RANBP3: variants seen among roughly 807,000 people sequenced by gnomAD.
The protein encoded by RANBP3 is ran-binding protein 3.
In RANBP3, 14 loss-of-function variants were observed where a neutral mutation model predicts 77.3. That is an observed-to-expected ratio of 0.18 (90% CI 0.12 to 0.28). The LOEUF (loss-of-function observed/expected upper bound fraction) is 0.28. RANBP3 is among the 10% of genes least tolerant of loss of function. The probability of loss-of-function intolerance (pLI) is 1.00; values close to 1 mark genes in which losing one functional copy is unlikely to be tolerated. For synonymous variants in RANBP3, 315 were observed against 312.4 expected, an observed-to-expected ratio of 1.01 and a Z score of -0.09; for missense variants, 586 against 752.3, an observed-to-expected ratio of 0.78 and a Z score of 2.59.
chr19:5,951,514 T>A lies in RANBP3; in HGVS notation c.161A>T (p.His54Leu), dbSNP rs755917366. The A allele has an allele frequency of 6.2e-7, 1 of 1,611,652 alleles. No individual in the cohort carries two copies. Among genetic ancestry groups the A allele is most frequent in the Non-Finnish European group, 8.5e-7 (1 of 1,178,734 alleles). ...GGCATGCTCGCCAGCTGACTCGGGGTGACCCGTGCCATGGTGGGGGGCCTC... is the reference window on the plus strand; with the variant it reads ...GGCATGCTCGCCAGCTGACTCGGGGAGACCCGTGCCATGGTGGGGGGCCTC... ...EAEAPHHGTG[H>L]PESAGEHALE... Residue 54 changes from histidine (H) to leucine (L), a missense_variant, in exon 3 of 17, where the codon CAC becomes CTC. His to Leu is a moderately conservative substitution (Grantham distance 99). Coordinates refer to ENST00000340578, the MANE Select transcript of RANBP3 (RefSeq NM_007322.3).
In RANBP3 at chr19:5,923,270, T is replaced by C; in HGVS notation, c.1133A>G (p.Lys378Arg). 1 of 1,614,232 alleles carries C rather than the reference T, an allele frequency of 6.2e-7. No individual in the cohort carries two copies. The highest frequency in any genetic ancestry group is 8.5e-7 in the Non-Finnish European group (1 of 1,180,044). ...CAACAAACACTTCCGCGCTGTTGCC[T>C]TGGTGTAGGCGGCTGCCGACTCAGC... The part of the protein sequence containing the change: ...SLAESAAAYT[K>R]ATARKCLLEK... Residue 378 changes from lysine to arginine, a missense_variant, in exon 13 of 17, where the codon AAG becomes AGG. By Grantham distance (26) the Lys-to-Arg change is conservative. Coordinates refer to ENST00000340578, the MANE Select transcript of RANBP3 (RefSeq NM_007322.3).
At position 5,958,268 on chromosome 19, in the gene RANBP3, C is replaced by T. The variant is rs1436243753; in HGVS notation, c.23-295G>A. ...CGTGTAAATGGGAGTGGGAGAGCAG[C>T]GGAGAGTGTGGCAGCGCTATTTGGC... On this transcript the variant is annotated intron_variant, in intron 1 of 16. Transcript: ENST00000340578. The surrounding 1 kb of genome is among the most constrained non-coding windows in gnomAD (Gnocchi z 4.4). Among the ~76,000 whole-genome samples, 1 of 152,146 alleles carries T rather than the reference C, an allele frequency of 6.6e-6. No individual in the cohort carries two copies. The highest frequency in any genetic ancestry group is 1.5e-5 in the Non-Finnish European group (1 of 68,030).
Position 5,921,142 on chromosome 19 carries a change from CAT to C in RANBP3, c.1330+57_1330+58del. On this transcript the variant is annotated intron_variant, in intron 14 of 16. Coordinates refer to ENST00000340578, the MANE Select transcript of RANBP3 (RefSeq NM_007322.3). The surrounding 1 kb of genome is among the most constrained non-coding windows in gnomAD (Gnocchi z 5.3). ...CCCCGCTTCATTCCCTTTGGAATTG[CAT>C]AGTCCCCAGCCCTCCCCATGGGGAC... 6.4e-7 allele frequency: 1 copy of C among 1,565,138 alleles called. No individual in the cohort carries two copies. The highest frequency in any genetic ancestry group is 1.4e-5 in the African/African-American group (1 of 73,710).
intron 5 of RANBP3, 97 bp from the exon 6 acceptor site, chr19:5,933,576 T>A (rs1420996340): frequency 1.1e-6 from 1 of 898,588 alleles, no homozygotes; most frequent in Non-Finnish European, 1.7e-6. Context: ...TTGGCCTCAG[T>A]GACTTCGGGC....
At chr19:5,925,905 A>G (rs2057901857) in intron 9 of RANBP3, 168 bp from the exon 10 acceptor site, 4 of 611,492 alleles carry the variant, frequency 6.5e-6, no homozygotes, top group Middle Eastern at 3.9e-4. Context: ...GCAGGGCTAT[A>G]ATCAACTCCA....
rs367685248 is a variant in RANBP3 at position 5,921,966 on chromosome 19, T to C, written c.1210-645A>G. On this transcript the variant is annotated intron_variant, in intron 13 of 16. Transcript: ENST00000340578. This position sits in a 1 kb window ranked among gnomAD's most constrained non-coding sequence, Gnocchi z 5.3. ...CACGAAAGGCCACATAGTGCGTTGA[T>C]GCCATTTATATGAAATGTCAAGGAC... Among the ~76,000 whole-genome samples the C allele has an allele frequency of 4.6e-5, 7 of 152,326 alleles. No homozygotes were observed. The highest frequency in any genetic ancestry group is 1.9e-4 in the East Asian group (1 of 5,182).
chr19:5,927,346 G>T (rs1362691347), intron 9 of RANBP3, among the ~76,000 whole-genome samples: 2 of 152,160 alleles, frequency 1.3e-5, no homozygotes, highest in African/African-American at 4.8e-5. Flanking sequence ...TTTCAGGAGA[G>T]AAGACAGTGT....
In RANBP3 at chr19:5,917,522, C is replaced by T; in HGVS notation, c.*88G>A. ...GGGGTGTGTGGTTCCCGGCCCCGCACCTGGACGCTGCCGGTGGGGTGGGGG... is the reference window on the plus strand; with the variant it reads ...GGGGTGTGTGGTTCCCGGCCCCGCATCTGGACGCTGCCGGTGGGGTGGGGG... On this transcript the variant is annotated 3_prime_UTR_variant, in exon 17 of 17. Coordinates refer to ENST00000340578, the MANE Select transcript of RANBP3 (RefSeq NM_007322.3). The T allele has an allele frequency of 6.9e-7, 1 of 1,442,636 alleles. No homozygotes were observed. The highest frequency in any genetic ancestry group is 9.2e-7 in the Non-Finnish European group (1 of 1,083,440). The allele number at this position is 1,442,636 out of a possible 1,614,324, so 89.4% of individuals were successfully genotyped here. A position where few individuals can be genotyped will look rare whatever the true frequency, so the allele number is the denominator to read the frequency against.
chr19:5,964,321 C>T (rs1366317845), intron 1 of RANBP3, among the ~76,000 whole-genome samples: 1 of 152,324 alleles, frequency 6.6e-6, no homozygotes, highest in Non-Finnish European at 1.5e-5. Flanking sequence ...TGCCCCCCCA[C>T]CTCCACCCAG....
Position 5,941,674 on chromosome 19 carries a change from G to A in RANBP3, c.353C>T (p.Pro118Leu). 6.2e-7 allele frequency: 1 copy of A among 1,613,880 alleles called. No individual in the cohort carries two copies. The highest frequency in any genetic ancestry group is 8.5e-7 in the Non-Finnish European group (1 of 1,179,928). The stretch of plus-strand genomic sequence containing the variant: ...AGAGGATGTTCTTTCTCGCTTGACA[G>A]GAGGGCAGTAATTTCCATCTTCTCT... ...SDREDGNYCP[P>L]VKRERTSSLT... is the part of the protein sequence containing the mutation. Residue 118 changes from proline (P) to leucine (L), a missense_variant, in exon 5 of 17, where the codon CCT becomes CTT. Pro to Leu is a moderately conservative substitution (Grantham distance 98, BLOSUM62 -3). Transcript: ENST00000340578.
chr19:5,934,843 C>G (rs1407581894), intron 5 of RANBP3, among the ~76,000 whole-genome samples: 1 of 152,098 alleles, frequency 6.6e-6, no homozygotes, highest in Non-Finnish European at 1.5e-5. Flanking sequence ...TCAAACAAAA[C>G]AAAAACATTG....
chr19:5,959,667 G>A lies in RANBP3; in HGVS notation c.23-1694C>T, dbSNP rs1379316652. ...GACAAACGTGAATGAATGCACCTAT[G>A]CCAGGCAATAAATGATGTCAAAGGA... On this transcript the variant is annotated intron_variant, in intron 1 of 16. Transcript: ENST00000340578. The surrounding 1 kb of genome is among the most constrained non-coding windows in gnomAD (Gnocchi z 5.1). Among the ~76,000 whole-genome samples the A allele has an allele frequency of 6.6e-6, 1 of 152,144 alleles. No homozygotes were observed. Among genetic ancestry groups the A allele is most frequent in the Non-Finnish European group, 1.5e-5 (1 of 68,014 alleles).
intron 9 of RANBP3, 65 bp from the exon 10 acceptor site, chr19:5,925,802 T>TGTCTGCAGCTCAGGGG: frequency 7.6e-7 from 1 of 1,314,894 alleles, no homozygotes; most frequent in Non-Finnish European, 1.1e-6. Flanking sequence ...CACAGCTCAG[T>TGTCTGCAGCTCAGGGG]GTCTGCAGAC....
chr19:5,961,541 T>C (rs2058402160), intron 1 of RANBP3, among the ~76,000 whole-genome samples: 1 of 152,098 alleles, frequency 6.6e-6, no homozygotes, highest in Admixed American at 6.5e-5. Flanking sequence ...GAGACCAGCC[T>C]GATCAACATG....
At chr19:5,973,730 T>C (rs1278960685) in intron 1 of RANBP3, among the ~76,000 whole-genome samples, 27 of 152,106 alleles carry the variant, frequency 1.8e-4, no homozygotes, top group Admixed American at 1.8e-3. Context: ...CAGAGCAGAG[T>C]GCACTGTAGT....
At chr19:5,918,679 GC>G in intron 14 of RANBP3, 41 bp from the exon 15 acceptor site, 2 of 1,599,208 alleles carry the variant, frequency 1.3e-6, no homozygotes, top group Non-Finnish European at 1.7e-6. Flanking sequence ...CCCCACACCG[GC>G]CCCCTCACAA....
At position 5,921,170 on chromosome 19, in the gene RANBP3, C is replaced by A; in HGVS notation, c.1330+31G>T. The A allele has an allele frequency of 6.3e-7, 1 of 1,597,690 alleles. No homozygotes were observed. The highest frequency in any genetic ancestry group is 8.5e-7 in the Non-Finnish European group (1 of 1,173,504). ...AGTCCCCAGCCCTCCCCATGGGGAC[C>A]CGGCCACAGCCCCCGCCGTCGGCAG... is the stretch of plus-strand genomic sequence containing the variant. On this transcript the variant is annotated intron_variant, in intron 14 of 16. Coordinates refer to ENST00000340578, the MANE Select transcript of RANBP3 (RefSeq NM_007322.3). The surrounding 1 kb of genome is among the most constrained non-coding windows in gnomAD (Gnocchi z 5.3).
At chr19:5,918,343 C>G in intron 15 of RANBP3, 153 bp downstream of exon 15, 1 of 832,818 alleles carries the variant, frequency 1.2e-6, no homozygotes, top group Non-Finnish European at 1.8e-6. Context: ...AAGGCTGGGA[C>G]TGGCGGGTCC....
chr19:5,947,530 C>G (rs2058221944), intron 3 of RANBP3, among the ~76,000 whole-genome samples: 1 of 152,096 alleles, frequency 6.6e-6, no homozygotes, highest in Admixed American at 6.5e-5. Flanking sequence ...GGTCAGCATC[C>G]ATTTCAACAC....
Sources: gnomAD v4.1 joint callset for allele counts (sites outside exome capture counted in the v4.1 genomes callset) on GRCh38, gnomAD v4.1.1 for gene constraint, Gnocchi (gnomAD v3.1) non-coding constraint, MANE v1.5 for transcripts, NCBI Gene and HGNC (gene_info 2026-07-23, HGNC 2026-07-21) for gene names.